USP10: variants seen among roughly 807,000 people sequenced by gnomAD.
USP10 encodes the protein ubiquitin carboxyl-terminal hydrolase 10.
In USP10, 22 loss-of-function variants were observed where a neutral mutation model predicts 84.5. That is an observed-to-expected ratio of 0.26 (90% confidence interval 0.19 to 0.37). The LOEUF is 0.37. Among genes scored for constraint, USP10 ranks in the 10% least tolerant of loss-of-function variants. The probability of loss-of-function intolerance (pLI) is 1.00; values close to 1 mark genes in which losing one functional copy is unlikely to be tolerated. For missense variants in USP10, 1,019 were observed against 998.9 expected (o/e 1.02, Z -0.27); for synonymous variants, 454 against 387.6 (o/e 1.17, Z -2.01).
chr16:84,703,187 CTTTAA>C (rs1905108910), intron 1 of USP10, among the ~76,000 whole-genome samples: 1 of 152,092 alleles, frequency 6.6e-6, no homozygotes, highest in Non-Finnish European at 1.5e-5. Flanking sequence ...AATAAATGAA[CTTTAA>C]CAGTTGAAGT....
chr16:84,765,652 A>G (rs1913772427), intron 10 of USP10, among the ~76,000 whole-genome samples: 1 of 152,074 alleles, frequency 6.6e-6, no homozygotes, highest in East Asian at 1.9e-4. Flanking sequence ...TACACACCAC[A>G]GTTTCTTTAT....
intron 10 of USP10, among the ~76,000 whole-genome samples, chr16:84,764,939 A>AAAAAAAAAAAAAT (rs370383030): frequency 9.1e-5 from 12 of 132,248 alleles, no homozygotes; most frequent in South Asian, 5.4e-4. Flanking sequence ...GAGAAAAAAA[A>AAAAAAAAAAAAAT]ATATATATAT....
chr16:84,709,368 A>C (rs1905973797), intron 1 of USP10: 1 of 152,358 alleles, frequency 6.6e-6, no homozygotes, highest in Admixed American at 6.5e-5. Context: ...AGAACTCAGC[A>C]AGGAGTTGTG....
intron 13 of USP10, among the ~76,000 whole-genome samples, chr16:84,777,547 GC>G (rs1432965861): frequency 6.6e-6 from 1 of 152,136 alleles, no homozygotes; most frequent in African/African-American, 2.4e-5. Context: ...TGTGTCCCTG[GC>G]TCTCCGAAGT....
intron 1 of USP10, among the ~76,000 whole-genome samples, chr16:84,725,521 C>T (rs1908344200): frequency 6.6e-6 from 1 of 152,194 alleles, no homozygotes; most frequent in Admixed American, 6.5e-5. Context: ...CTGCCTCAGC[C>T]TCCTGAGTAG....
chr16:84,717,515 C>T (rs1042753950), intron 1 of USP10, among the ~76,000 whole-genome samples: 1 of 152,084 alleles, frequency 6.6e-6, no homozygotes, highest in Non-Finnish European at 1.5e-5. Context: ...GTCATTGGTG[C>T]TCAATAAGTG....
intron 1 of USP10, among the ~76,000 whole-genome samples, chr16:84,704,425 G>A (rs1412747831): frequency 2.6e-5 from 4 of 152,242 alleles, no homozygotes; most frequent in African/African-American, 9.6e-5. Flanking sequence ...TGCTGGCCTT[G>A]GGCCATTGGA....
intron 1 of USP10, among the ~76,000 whole-genome samples, chr16:84,730,144 CAG>C (rs911847781): frequency 3.3e-5 from 5 of 152,196 alleles, no homozygotes; most frequent in African/African-American, 9.7e-5. Context: ...AGCGTCCACT[CAG>C]TGCTACTGTC....
chr16:84,718,044 T>G (rs1218701506), intron 1 of USP10, among the ~76,000 whole-genome samples: 1 of 152,120 alleles, frequency 6.6e-6, no homozygotes, highest in African/African-American at 2.4e-5. Flanking sequence ...AGAGAGAGAT[T>G]GGGAGATTAC....
At chr16:84,757,871 A>G (rs1912769943) in intron 4 of USP10, among the ~76,000 whole-genome samples, 2 of 152,180 alleles carry the variant, frequency 1.3e-5, no homozygotes, top group Non-Finnish European at 2.9e-5. Context: ...CTAGATTACT[A>G]AGGATTAAGT....
chr16:84,739,242 G>T (rs980786838), intron 2 of USP10, among the ~76,000 whole-genome samples: 6 of 146,234 alleles, frequency 4.1e-5, no homozygotes, highest in African/African-American at 1.5e-4. Flanking sequence ...GTATTTTTTA[G>T]TAGAGACAGG....
intron 1 of USP10, chr16:84,708,819 C>CT (rs34541686): frequency 1.3e-5 from 2 of 152,150 alleles, no homozygotes; most frequent in African/African-American, 4.8e-5. Context: ...ATACTAGACA[C>CT]TTTTTTCAGA....
intron 2 of USP10, among the ~76,000 whole-genome samples, chr16:84,736,692 A>G (rs1253143248): frequency 1.3e-5 from 2 of 152,188 alleles, no homozygotes; most frequent in African/African-American, 2.4e-5. Context: ...CTGAGTCAAT[A>G]AGCCCCCGAT....
intron 1 of USP10, among the ~76,000 whole-genome samples, chr16:84,717,092 T>A (rs1907127972): frequency 6.6e-6 from 1 of 152,204 alleles, no homozygotes. Context: ...TCAGTACACC[T>A]GGGGTGGGCC....
intron 8 of USP10, among the ~76,000 whole-genome samples, chr16:84,761,734 G>T (rs1402270221): frequency 6.6e-6 from 1 of 152,272 alleles, no homozygotes. Flanking sequence ...CACATTGCTT[G>T]CGCAAACGGT....
At chr16:84,755,730 G>C (rs1216344577) in intron 4 of USP10, among the ~76,000 whole-genome samples, 1 of 151,892 alleles carries the variant, frequency 6.6e-6, no homozygotes, top group South Asian at 2.1e-4. Flanking sequence ...ACCCAGAGGC[G>C]GAGGTTGGAG....
At chr16:84,706,563 C>T (rs1905543660) in intron 1 of USP10, among the ~76,000 whole-genome samples, 3 of 148,788 alleles carry the variant, frequency 2.0e-5, no homozygotes, top group Non-Finnish European at 3.0e-5. Flanking sequence ...TTTTTTGAGA[C>T]GAAGTCTTCC....
intron 12 of USP10, among the ~76,000 whole-genome samples, chr16:84,773,671 C>T (rs930447641): frequency 3.3e-5 from 5 of 152,158 alleles, no homozygotes; most frequent in East Asian, 1.9e-4. Context: ...ACTCATCAGC[C>T]GATTGCTTTT....
At position 84,779,019 on chromosome 16, in the gene USP10, G is replaced by A. The variant is rs748437426; in HGVS notation, c.2334G>A (p.Val778=). The change falls in exon 14 of 14, where the codon GTG becomes GTA. Residue 778 remains valine, a synonymous_variant. Coordinates refer to ENST00000219473, the MANE Select transcript of USP10 (RefSeq NM_005153.3). ...QTVKVINQYQ[V]VKPTAERTAY... ...TCAAGGTGATCAACCAGTACCAGGT[G>A]GTGAAACCAACTGCTGAACGCACAG... 2 of 1,614,006 alleles carry A rather than the reference G, an allele frequency of 1.2e-6. No individual in the cohort carries two copies. The highest frequency in any genetic ancestry group is 1.7e-6 in the Non-Finnish European group (2 of 1,179,898).
Sources: allele counts gnomAD v4.1 joint callset (sites outside exome capture counted in the v4.1 genomes callset), GRCh38; gene constraint gnomAD v4.1.1; transcripts MANE v1.5; gene names NCBI Gene and HGNC (gene_info 2026-07-23, HGNC 2026-07-21).